The following MITF variants were observed in gnomAD, a reference collection of about 807,000 sequenced individuals.
The protein encoded by MITF is microphthalmia-associated transcription factor.
MITF carries 17 observed loss-of-function variants against 60.5 expected under a neutral mutation model. The ratio of observed to expected loss-of-function variants is 0.28; its 90% CI spans 0.19 to 0.42. MITF has a LOEUF of 0.42. Ranked by LOEUF, MITF falls within the 10% of genes least tolerant of loss-of-function variation. The probability of loss-of-function intolerance (pLI) is 1.00; values close to 1 mark genes in which losing one functional copy is unlikely to be tolerated. For synonymous variants in MITF, 260 were observed against 248.5 expected, an observed-to-expected ratio of 1.05 and a Z score of -0.43; for missense variants, 622 against 683.5, an observed-to-expected ratio of 0.91 and a Z score of 1.00.
intron 1 of MITF, among the ~76,000 whole-genome samples, chr3:69,844,969 C>CT (rs1197779591): frequency 6.6e-6 from 1 of 151,992 alleles, no homozygotes; most frequent in Non-Finnish European, 1.5e-5. Flanking sequence ...TTCAGTTTTA[C>CT]TTTTTTTAAT....
At chr3:69,759,289 A>G (rs2062176597) in intron 1 of MITF, among the ~76,000 whole-genome samples, 1 of 152,240 alleles carries the variant, frequency 6.6e-6, no homozygotes, top group African/African-American at 2.4e-5. Flanking sequence ...ACTTAGGAAC[A>G]CTAGACAGCA....
intron 1 of MITF, among the ~76,000 whole-genome samples, chr3:69,740,490 G>A (rs201729746): frequency 6.6e-6 from 1 of 152,180 alleles, no homozygotes; most frequent in East Asian, 1.9e-4. Flanking sequence ...TAGACGAGGA[G>A]TGAAGACATC....
intron 1 of MITF, among the ~76,000 whole-genome samples, chr3:69,801,897 T>C (rs2062926078): frequency 6.6e-6 from 1 of 152,046 alleles, no homozygotes; most frequent in Non-Finnish European, 1.5e-5. Context: ...ATCTATATGA[T>C]TGTAGTGAGG....
At chr3:69,955,658 T>C (rs897923423) in intron 7 of MITF, among the ~76,000 whole-genome samples, 2 of 151,660 alleles carry the variant, frequency 1.3e-5, no homozygotes, top group African/African-American at 4.8e-5. Context: ...CTACTAAAAG[T>C]ACAAAAATTA....
In MITF at chr3:69,937,917, A is replaced by T. The variant is rs777666331; in HGVS notation, c.450A>T (p.Lys150Asn). ...KQYLSTTLAN[K>N]HANQVLSLPC... ...ACCTTTCTACCACTTTAGCAAATAA[A>T]CATGCCAACCAAGTCCTGAGCTTGC... Residue 150 changes from lysine to asparagine, a missense_variant, in exon 3 of 10, where the codon AAA (lysine) becomes AAT (asparagine). Physicochemically the swap from Lys to Asn is moderately conservative, Grantham distance 94 (BLOSUM62 0). This residue lies in a region of MITF where 215 missense variants were observed against 224.8 expected (regional missense o/e 0.96). Coordinates refer to ENST00000352241, the MANE Select transcript of MITF (RefSeq NM_001354604.2). 7 of 1,614,120 alleles carry T rather than the reference A, an allele frequency of 4.3e-6. No individual in the cohort carries two copies. The Admixed American group carries it at 8.3e-5, about 19-fold the overall frequency.
intron 1 of MITF, among the ~76,000 whole-genome samples, chr3:69,792,934 T>C (rs553806753): frequency 6.6e-6 from 1 of 151,476 alleles, no homozygotes; most frequent in Admixed American, 6.6e-5. Flanking sequence ...TTAAAGGGTT[T>C]CTAAATGTTT....
chr3:69,904,448 T>C (rs1321235059), intron 2 of MITF, among the ~76,000 whole-genome samples: 1 of 152,140 alleles, frequency 6.6e-6, no homozygotes, highest in African/African-American at 2.4e-5. Flanking sequence ...CTTCTACTGG[T>C]CTGTCCTTCT....
chr3:69,818,807 G>T (rs2063220817), intron 1 of MITF, among the ~76,000 whole-genome samples: 1 of 152,134 alleles, frequency 6.6e-6, no homozygotes, highest in East Asian at 1.9e-4. Context: ...TATGGTCAAA[G>T]ATATATTTTT....
chr3:69,948,540 C>A (rs2066157462), intron 5 of MITF, among the ~76,000 whole-genome samples: 1 of 148,234 alleles, frequency 6.7e-6, no homozygotes. Context: ...GAAATCATTT[C>A]CAATTAAAAA....
intron 1 of MITF, among the ~76,000 whole-genome samples, chr3:69,745,522 A>G (rs762705225): frequency 6.6e-6 from 1 of 152,212 alleles, no homozygotes; most frequent in Non-Finnish European, 1.5e-5. Flanking sequence ...TAAAGGTGAA[A>G]CAATAGTCAA....
chr3:69,867,333 AT>A (rs2064134922), intron 1 of MITF, among the ~76,000 whole-genome samples: 2 of 152,198 alleles, frequency 1.3e-5, no homozygotes, highest in African/African-American at 4.8e-5. Flanking sequence ...TTCTTAAAAA[AT>A]ATAAATATAA....
intron 2 of MITF, among the ~76,000 whole-genome samples, chr3:69,903,434 A>T (rs2065034024): frequency 6.6e-6 from 1 of 152,128 alleles, no homozygotes; most frequent in African/African-American, 2.4e-5. Context: ...AGCCTGACTA[A>T]CTATCTTGCA....
At chr3:69,859,389 A>G (rs1275179305) in intron 1 of MITF, among the ~76,000 whole-genome samples, 1 of 152,216 alleles carries the variant, frequency 6.6e-6, no homozygotes, top group Non-Finnish European at 1.5e-5. Context: ...TTTAATTTAT[A>G]TGAATAGACT....
At chr3:69,946,033 C>T (rs1327922250) in intron 5 of MITF, among the ~76,000 whole-genome samples, 1 of 152,158 alleles carries the variant, frequency 6.6e-6, no homozygotes, top group Non-Finnish European at 1.5e-5. Context: ...CCTGTCAAAA[C>T]TGTAAAGTGG....
intron 2 of MITF, among the ~76,000 whole-genome samples, chr3:69,904,505 C>G (rs556317435): frequency 6.6e-6 from 1 of 152,282 alleles, no homozygotes; most frequent in African/African-American, 2.4e-5. Context: ...ATAAGACCCA[C>G]TGAAACACTG....
intron 2 of MITF, among the ~76,000 whole-genome samples, chr3:69,886,254 G>A (rs1216388238): frequency 6.6e-6 from 1 of 152,104 alleles, no homozygotes; most frequent in Non-Finnish European, 1.5e-5. Context: ...TTACTGATGT[G>A]AACGTGACAC....
intron 1 of MITF, among the ~76,000 whole-genome samples, chr3:69,873,068 T>G (rs2064274557): frequency 6.6e-6 from 1 of 152,154 alleles, no homozygotes; most frequent in Non-Finnish European, 1.5e-5. Flanking sequence ...CCCAAAAAGG[T>G]GGAATCTTGG....
intron 2 of MITF, among the ~76,000 whole-genome samples, chr3:69,913,082 C>T (rs1040799548): frequency 3.3e-5 from 5 of 151,768 alleles, no homozygotes; most frequent in East Asian, 1.9e-4. Context: ...AAAAAGCAAG[C>T]GGCAGAAAAA....
intron 2 of MITF, among the ~76,000 whole-genome samples, chr3:69,891,723 T>A (rs1164420472): frequency 6.6e-6 from 1 of 152,126 alleles, no homozygotes; most frequent in East Asian, 1.9e-4. Flanking sequence ...ATGTAAAGAG[T>A]TATGGCAAAT....
Sources: gnomAD v4.1 joint callset for allele counts (sites outside exome capture counted in the v4.1 genomes callset) on GRCh38, gnomAD v4.1.1 for gene constraint, gnomAD v4.1.1 regional missense constraint, MANE v1.5 for transcripts, NCBI Gene and HGNC (gene_info 2026-07-23, HGNC 2026-07-21) for gene names.